CELA3A: variants seen among roughly 807,000 people sequenced by gnomAD.
CELA3A encodes the protein chymotrypsin-like elastase family member 3A.
CELA3A carries 35 observed loss-of-function variants against 38.6 expected under a neutral mutation model. The ratio of observed to expected loss-of-function variants is 0.91; its 90% CI spans 0.69 to 1.20. The LOEUF (loss-of-function observed/expected upper bound fraction) is 1.20. CELA3A is among the 50% of genes most tolerant of loss of function. The pLI, the probability that CELA3A is intolerant of heterozygous loss-of-function variation, is 0.00. For synonymous variants in CELA3A, 143 were observed against 136.7 expected (o/e 1.05, Z -0.32); for missense variants, 343 against 354.2 (o/e 0.97, Z 0.25).
rs1376607014 is a variant in CELA3A, at chr1:22,007,236, G to C, written c.500-137G>C. ...TGCTAGGGATGTAATGGTGCACAAA[G>C]CATGCAGGACCATTTAGCGGGTGGG... is the stretch of plus-strand genomic sequence containing the variant. On this transcript the variant is annotated intron_variant, in intron 5 of 7. Coordinates refer to ENST00000290122, the MANE Select transcript of CELA3A (RefSeq NM_005747.5). 2.2e-6 allele frequency: 3 copies of C among 1,339,768 alleles called. No homozygotes were observed. In the Admixed American group the frequency reaches 7.2e-5, roughly 32 times the overall value. 83.0% of individuals were successfully genotyped at this position (1,339,768 alleles called of 1,614,324 possible).
intron 2 of CELA3A, among the ~76,000 whole-genome samples, chr1:22,004,491 C>T (rs1644937087): frequency 6.6e-6 from 1 of 150,604 alleles, no homozygotes; most frequent in African/African-American, 2.5e-5. Context: ...GGTCAGCAGG[C>T]TTATTCTGTA....
At chr1:22,003,174 T>C in intron 2 of CELA3A, 86 bp downstream of exon 2, 1 of 1,263,524 alleles carries the variant, frequency 7.9e-7, no homozygotes, top group Non-Finnish European at 1.1e-6. Context: ...TTGACACCAT[T>C]GCTCCCTTTG....
intron 5 of CELA3A, 94 bp from the exon 6 acceptor site, chr1:22,007,279 G>A (rs549094865): frequency 1.6e-5 from 24 of 1,499,504 alleles, no homozygotes; most frequent in Middle Eastern, 3.6e-4. Context: ...TCCTCATCAG[G>A]GCAGAAGAAC....
At chr1:22,008,892 G>A (rs559929231) in intron 6 of CELA3A, among the ~76,000 whole-genome samples, 3 of 152,048 alleles carry the variant, frequency 2.0e-5, no homozygotes, top group Admixed American at 6.5e-5. Context: ...TGCTAAGATC[G>A]TGCATCATCT....
At chr1:22,007,623 G>C in intron 6 of CELA3A, 108 bp downstream of exon 6, 1 of 1,490,754 alleles carries the variant, frequency 6.7e-7, no homozygotes, top group Non-Finnish European at 9.0e-7. Flanking sequence ...GCCCCATTCA[G>C]CCTCCAGGCC....
rs534770566 is a variant in CELA3A at position 22,012,065 on chromosome 1, A to C, written c.796-385A>C. 6.3e-5 allele frequency among the ~76,000 whole-genome samples: 8 copies of C among 127,182 alleles called. 3 individuals carry two copies. The highest frequency in any genetic ancestry group is 2.6e-4 in the African/African-American group (8 of 31,112). The allele number at this position is 127,182 out of a possible 152,430, so 83.4% of individuals were successfully genotyped here. A position where few individuals can be genotyped will look rare whatever the true frequency, so the allele number is the denominator to read the frequency against. ...CTGTCTCAAAAAAAACCAAAAAAAC[A>C]AAAAAAATATAGATTTTGTTTATAT... On this transcript the variant is annotated intron_variant, in intron 7 of 7. Coordinates refer to ENST00000290122, the MANE Select transcript of CELA3A (RefSeq NM_005747.5).
chr1:22,001,802 A>G, intron 1 of CELA3A, 85 bp downstream of exon 1: 1 of 1,561,014 alleles, frequency 6.4e-7, no homozygotes, highest in Admixed American at 1.7e-5. Context: ...GAGTCCCATG[A>G]CATGCTATGC....
intron 7 of CELA3A, chr1:22,010,947 TAA>T (rs1227991875): frequency 6.7e-6 from 1 of 149,712 alleles, no homozygotes; most frequent in African/African-American, 2.5e-5. Context: ...GCCTCTCTCT[TAA>T]AAAAATGAAA....
At chr1:22,004,378 G>A (rs2152819285) in intron 2 of CELA3A, among the ~76,000 whole-genome samples, 1 of 151,292 alleles carries the variant, frequency 6.6e-6, no homozygotes, top group East Asian at 2.0e-4. Flanking sequence ...TGGCCTGCTT[G>A]CCACATTTCA....
chr1:22,009,359 G>A (rs1318048575), intron 6 of CELA3A, among the ~76,000 whole-genome samples: 2 of 150,314 alleles, frequency 1.3e-5, no homozygotes, highest in East Asian at 2.0e-4. Flanking sequence ...GTGAGACTTC[G>A]TCTCTAATAA....
At chr1:22,003,630 A>T (rs12073339) in intron 2 of CELA3A, among the ~76,000 whole-genome samples, 1 of 149,986 alleles carries the variant, frequency 6.7e-6, no homozygotes, top group Non-Finnish European at 1.5e-5. Context: ...GCAGTGAGAC[A>T]AGATTGCACC....
intron 2 of CELA3A, among the ~76,000 whole-genome samples, chr1:22,003,727 CAG>C (rs1477930657): frequency 6.6e-6 from 1 of 150,896 alleles, no homozygotes; most frequent in Non-Finnish European, 1.5e-5. Context: ...ATTATTGAGA[CAG>C]AGTTTCACTC....
chr1:22,002,452 C>G (rs1445723522), intron 1 of CELA3A: 2 of 441,466 alleles, frequency 4.5e-6, no homozygotes, highest in African/African-American at 4.1e-5. Flanking sequence ...ACCACCTTAG[C>G]CTCCTGAGTA....
intron 4 of CELA3A, 73 bp downstream of exon 4, chr1:22,005,869 G>C: frequency 6.2e-7 from 1 of 1,602,972 alleles, no homozygotes; most frequent in South Asian, 1.1e-5. Context: ...CCAAGTCTGA[G>C]TAGGCTCCAA....
chr1:22,003,813 C>A (rs1644932513), intron 2 of CELA3A, among the ~76,000 whole-genome samples: 1 of 150,864 alleles, frequency 6.6e-6, no homozygotes, highest in South Asian at 2.1e-4. Context: ...TCAAGCAATT[C>A]TCCTACCTCA....
intron 5 of CELA3A, 102 bp from the exon 6 acceptor site, chr1:22,007,271 C>T (rs963287339): frequency 1.4e-6 from 2 of 1,477,892 alleles, no homozygotes; most frequent in Admixed American, 2.2e-5. Context: ...GAGGAGAGTC[C>T]TCATCAGGGC....
Position 22,005,496 on chromosome 1 carries a change from G to A in CELA3A, c.179G>A (p.Gly60Asp), listed in dbSNP as rs771597247. 7 of 1,613,104 alleles carry A rather than the reference G, an allele frequency of 4.3e-6. No homozygotes were observed. Residue 60 changes from glycine to aspartate, a missense_variant, in exon 3 of 8, where the codon GGT (glycine) becomes GAT (aspartate). Physicochemically the swap from Gly to Asp is moderately conservative, Grantham distance 94 (BLOSUM62 -1). Transcript: ENST00000290122. ...GGAAGCTTCTACCACACGTGTGGCG[G>A]TAGCCTCATCGCCCCCGATTGGGTT... ...KSGSFYHTCG[G>D]SLIAPDWVVT... is the part of the protein sequence containing the mutation.
At chr1:22,006,024 G>C in intron 4 of CELA3A, 1 of 663,282 alleles carries the variant, frequency 1.5e-6, no homozygotes, top group African/African-American at 1.8e-5. Context: ...CTACAGAGGG[G>C]ATGGCAGTGT....
At chr1:22,004,929 G>A (rs1481793099) in intron 2 of CELA3A, among the ~76,000 whole-genome samples, 3 of 151,142 alleles carry the variant, frequency 2.0e-5, no homozygotes, top group South Asian at 2.1e-4. Context: ...GTGAAACTCC[G>A]TGTCTACTAA....
Sources: allele counts gnomAD v4.1 joint callset (sites outside exome capture counted in the v4.1 genomes callset), GRCh38; gene constraint gnomAD v4.1.1; transcripts MANE v1.5; gene names NCBI Gene and HGNC (gene_info 2026-07-23, HGNC 2026-07-21).